Variants in PLXDC1 observed in about 807,000 individuals in gnomAD.
The protein encoded by PLXDC1 is plexin domain containing 1.
A neutral mutation model predicts 61.3 loss-of-function variants in PLXDC1; 39 were observed. That is an observed-to-expected ratio of 0.64 (90% CI 0.49 to 0.83). The LOEUF (loss-of-function observed/expected upper bound fraction) is 0.83, where lower values mean the gene tolerates loss of function less well. Among genes scored for constraint, PLXDC1 ranks in the 40% least tolerant of loss-of-function variants. PLXDC1 has a pLI of 0.00. For synonymous variants in PLXDC1, 212 were observed against 254.5 expected (o/e 0.83, Z 1.59); for missense variants, 596 against 666.5 (o/e 0.89, Z 1.17).
intron 1 of PLXDC1, among the ~76,000 whole-genome samples, chr17:39,144,233 C>T (rs1168703488): frequency 6.6e-6 from 1 of 152,160 alleles, no homozygotes; most frequent in Admixed American, 6.5e-5. Context: ...TTAGCCCCAT[C>T]AGTTTTCCTC....
rs560539652 is a variant in PLXDC1 at position 39,130,072 on chromosome 17, C to T, written c.255+9582G>A. 6.6e-5 allele frequency among the ~76,000 whole-genome samples: 10 copies of T among 152,168 alleles called. No individual in the cohort carries two copies. In the South Asian group the frequency reaches 1.5e-3, roughly 22 times the overall value. On this transcript the variant is annotated intron_variant, in intron 2 of 13. Transcript: ENST00000315392. ...AATGTGTAACTTCATAGAAATAAAA[C>T]ACAGATTGGTGGTTGCCAGGGGTTG...
chr17:39,101,600 T>C (rs17705467), intron 7 of PLXDC1, among the ~76,000 whole-genome samples: 3,807 of 152,226 alleles, frequency 0.025, 80 homozygotes, highest in Non-Finnish European at 0.038. Flanking sequence ...CCCACCCAAA[T>C]GCTGACCAGG....
chr17:39,118,234 C>T (rs906960038), intron 2 of PLXDC1, among the ~76,000 whole-genome samples: 2 of 151,186 alleles, frequency 1.3e-5, no homozygotes, highest in Non-Finnish European at 2.9e-5. Flanking sequence ...GATGGAGTTT[C>T]GTTCTTGTCG....
chr17:39,149,687 T>C (rs1284498670), intron 1 of PLXDC1, among the ~76,000 whole-genome samples: 1 of 152,094 alleles, frequency 6.6e-6, no homozygotes, highest in East Asian at 1.9e-4. Flanking sequence ...CCAACCCTAC[T>C]CTGAAGGGGC....
intron 2 of PLXDC1, among the ~76,000 whole-genome samples, chr17:39,122,223 T>C (rs1183901832): frequency 1.3e-5 from 2 of 151,016 alleles, no homozygotes; most frequent in Non-Finnish European, 2.9e-5. Context: ...GCCAACATGT[T>C]GAAACCCCGT....
intron 2 of PLXDC1, among the ~76,000 whole-genome samples, chr17:39,117,288 G>A (rs1198538737): frequency 6.6e-6 from 1 of 152,178 alleles, no homozygotes; most frequent in Non-Finnish European, 1.5e-5. Context: ...GCCACCTCTG[G>A]ACTAGGAAGC....
intron 1 of PLXDC1, among the ~76,000 whole-genome samples, chr17:39,149,462 G>A (rs895847208): frequency 4.6e-5 from 7 of 152,192 alleles, no homozygotes; most frequent in Non-Finnish European, 1.0e-4. Flanking sequence ...CACCTGGCCT[G>A]TGAAAAGGGC....
chr17:39,105,447 A>C (rs1242220808), intron 7 of PLXDC1, among the ~76,000 whole-genome samples: 1 of 152,174 alleles, frequency 6.6e-6, no homozygotes, highest in Non-Finnish European at 1.5e-5. Context: ...GGGAGGTAAC[A>C]GCATGGCCGA....
intron 6 of PLXDC1, 79 bp downstream of exon 6, chr17:39,107,328 A>G: frequency 1.2e-6 from 1 of 849,060 alleles, no homozygotes; most frequent in East Asian, 2.5e-5. Flanking sequence ...CATGCCTGGC[A>G]CATTGCAAAT....
chr17:39,106,634 T>C (rs1910598527), intron 6 of PLXDC1, among the ~76,000 whole-genome samples: 1 of 149,024 alleles, frequency 6.7e-6, no homozygotes, highest in African/African-American at 2.5e-5. Context: ...CCTTCTTTTT[T>C]CTTTTTTCTT....
chr17:39,109,031 C>T, intron 3 of PLXDC1, 58 bp from the exon 4 acceptor site: 2 of 1,385,574 alleles, frequency 1.4e-6, no homozygotes, highest in Admixed American at 3.5e-5. Flanking sequence ...GGCCTGGGCA[C>T]CCACACTGCC....
intron 7 of PLXDC1, among the ~76,000 whole-genome samples, chr17:39,093,486 G>A (rs955218063): frequency 1.3e-5 from 2 of 152,170 alleles, no homozygotes; most frequent in Non-Finnish European, 2.9e-5. Context: ...GGAGGTCAAA[G>A]TGGGCGGGTC....
At position 39,139,640 on chromosome 17, in the gene PLXDC1, C is replaced by T; in HGVS notation, c.255+14G>A. 6.6e-7 allele frequency: 1 copy of T among 1,509,286 alleles called. No individual in the cohort carries two copies. Among genetic ancestry groups the T allele is most frequent in the Non-Finnish European group, 9.1e-7 (1 of 1,103,840 alleles). 93.5% of individuals were successfully genotyped at this position (1,509,286 alleles called of 1,614,324 possible). On this transcript the variant is annotated intron_variant, in intron 2 of 13. Coordinates refer to ENST00000315392, the MANE Select transcript of PLXDC1 (RefSeq NM_020405.5). ...CCCCACTTCGCTCCCCCTCCATGTT[C>T]CTCCAGCACTCACCACCACCCTGGT...
chr17:39,108,928 G>A lies in PLXDC1; in HGVS notation c.445C>T (p.Arg149Trp), dbSNP rs770095514. ...FDFPFYGHPL[R>W]QITIATGGFI... Reference sequence around the variant, plus strand: ...CCTCCAGTTGCTATGGTGATCTGCCGCAGAGGATGCCCGTAGAAAGGGAAA... The same window carrying A: ...CCTCCAGTTGCTATGGTGATCTGCCACAGAGGATGCCCGTAGAAAGGGAAA... Residue 149 changes from arginine to tryptophan, a missense_variant, in exon 4 of 14, where the codon CGG becomes TGG. Arg to Trp is a moderately radical substitution (Grantham distance 101). Coordinates refer to ENST00000315392, the MANE Select transcript of PLXDC1 (RefSeq NM_020405.5). The A allele has an allele frequency of 9.9e-6, 16 of 1,613,140 alleles. No homozygotes were observed. Among genetic ancestry groups the A allele is most frequent in the Middle Eastern group, 1.6e-4 (1 of 6,084 alleles).
In PLXDC1 at chr17:39,128,117, A is replaced by ATATATATATATATATG. The variant is rs1419979117; in HGVS notation, c.255+11536_255+11537insCATATATATATATATA. 1.6e-3 allele frequency among the ~76,000 whole-genome samples: 158 copies of ATATATATATATATATG among 96,362 alleles called. 6 individuals carry two copies. Among genetic ancestry groups the ATATATATATATATATG allele is most frequent in the African/African-American group, 7.6e-3 (149 of 19,612 alleles). 63.2% of individuals were successfully genotyped at this position (96,362 alleles called of 152,430 possible). A position where few individuals can be genotyped will look rare whatever the true frequency, so the allele number is the denominator to read the frequency against. ...TATGTGTATATATATATATATATGTATATATATATGTGTATATATATGTAT... is the reference window on the plus strand; with the variant it reads ...TATGTGTATATATATATATATATGTATATATATATATATATGTATATATATGTGTATATATATGTAT... On this transcript the variant is annotated intron_variant, in intron 2 of 13. Transcript: ENST00000315392.
At chr17:39,103,582 A>G (rs1162798073) in intron 7 of PLXDC1, among the ~76,000 whole-genome samples, 3 of 151,956 alleles carry the variant, frequency 2.0e-5, no homozygotes, top group East Asian at 1.9e-4. Context: ...GCGGTGGCTG[A>G]CTCCTGTAAT....
Position 39,063,778 on chromosome 17 carries a change from G to A in PLXDC1, c.*4062C>T, listed in dbSNP as rs1908795729. On this transcript the variant is annotated 3_prime_UTR_variant, in exon 14 of 14. Coordinates refer to ENST00000315392, the MANE Select transcript of PLXDC1 (RefSeq NM_020405.5). ...AGGTTTTTGGAGACAGAGATTGGCC[G>A]CATCATATCTGTGACACTGACTCTT... The A allele has an allele frequency of 5.1e-6, 2 of 394,538 alleles. No homozygotes were observed. Among genetic ancestry groups the A allele is most frequent in the Non-Finnish European group, 9.2e-6 (2 of 216,890 alleles). 24.4% of individuals were successfully genotyped at this position (394,538 alleles called of 1,614,324 possible).
At chr17:39,130,984 G>C (rs775589120) in intron 2 of PLXDC1, among the ~76,000 whole-genome samples, 11 of 152,090 alleles carry the variant, frequency 7.2e-5, no homozygotes, top group Non-Finnish European at 1.5e-4. Flanking sequence ...AAGAGGAACC[G>C]GACCGGGAGA....
chr17:39,080,657 G>C (rs2143372281), intron 9 of PLXDC1: 1 of 152,300 alleles, frequency 6.6e-6, no homozygotes. Context: ...AGGCTCCAGA[G>C]AGCTTGTAAG....
Sources: allele counts gnomAD v4.1 joint callset (sites outside exome capture counted in the v4.1 genomes callset), GRCh38; gene constraint gnomAD v4.1.1; transcripts MANE v1.5; gene names NCBI Gene and HGNC (gene_info 2026-07-23, HGNC 2026-07-21).